The following DLGAP1 variants were observed in gnomAD, a reference collection of about 807,000 sequenced individuals.
DLGAP1 encodes the protein DLG associated protein 1, also known as disks large-associated protein 1.
In DLGAP1, 11 loss-of-function variants were observed where a neutral mutation model predicts 90.8. The observed-to-expected ratio is 0.12, with a 90% confidence interval of 0.08 to 0.20. The LOEUF (loss-of-function observed/expected upper bound fraction) is 0.20, where lower values mean the gene tolerates loss of function less well. DLGAP1 is among the 10% of genes least tolerant of loss of function. The pLI, the probability that DLGAP1 is intolerant of heterozygous loss-of-function variation, is 1.00. For missense variants in DLGAP1, 1,050 were observed against 1,333.8 expected (o/e 0.79, Z 3.31); for synonymous variants, 558 against 540.7 (o/e 1.03, Z -0.44).
chr18:3,520,147 C>T (rs1348910940), intron 10 of DLGAP1, among the ~76,000 whole-genome samples: 13 of 152,120 alleles, frequency 8.5e-5, no homozygotes, highest in Non-Finnish European at 1.9e-4. Context: ...TCTTCCCCCA[C>T]CAATTCCCTA....
chr18:3,512,807 T>A (rs1436722151), intron 10 of DLGAP1, among the ~76,000 whole-genome samples: 1 of 152,222 alleles, frequency 6.6e-6, no homozygotes, highest in Admixed American at 6.5e-5. Flanking sequence ...CGCAGAAAAT[T>A]GCGTCTGAAT....
intron 1 of DLGAP1, among the ~76,000 whole-genome samples, chr18:4,281,981 T>C (rs1249321387): frequency 1.3e-5 from 2 of 152,234 alleles, no homozygotes; most frequent in East Asian, 3.8e-4. Context: ...CAAGTACTTA[T>C]AACTTTAAGA....
intron 7 of DLGAP1, among the ~76,000 whole-genome samples, chr18:3,656,722 C>T (rs2059496290): frequency 6.6e-6 from 1 of 151,868 alleles, no homozygotes; most frequent in South Asian, 2.1e-4. Context: ...GATATTTATG[C>T]ACCTTTGCAG....
chr18:3,522,837 C>T (rs1258997349), intron 10 of DLGAP1, among the ~76,000 whole-genome samples: 1 of 152,010 alleles, frequency 6.6e-6, no homozygotes, highest in Non-Finnish European at 1.5e-5. Flanking sequence ...ACCACTGCAC[C>T]CAGCTGCAGT....
At chr18:3,938,118 A>T (rs1011258270) in intron 3 of DLGAP1, among the ~76,000 whole-genome samples, 4 of 152,272 alleles carry the variant, frequency 2.6e-5, no homozygotes, top group Admixed American at 2.0e-4. Context: ...GAAGTTTGGC[A>T]GCAACACAGG....
At chr18:3,868,736 C>T (rs1056095837) in intron 4 of DLGAP1, among the ~76,000 whole-genome samples, 1 of 152,168 alleles carries the variant, frequency 6.6e-6, no homozygotes, top group African/African-American at 2.4e-5. Context: ...ATTTAGACTG[C>T]CCAAAGTCAC....
At chr18:3,943,818 G>C (rs77210450) in intron 3 of DLGAP1, among the ~76,000 whole-genome samples, 2,530 of 152,172 alleles carry the variant, frequency 0.017, 58 homozygotes, top group African/African-American at 0.058. Flanking sequence ...AGGTCCTATG[G>C]GTGGGCCCTA....
At chr18:4,442,629 G>C (rs74974942) in intron 1 of DLGAP1, among the ~76,000 whole-genome samples, 1 of 152,162 alleles carries the variant, frequency 6.6e-6, no homozygotes, top group South Asian at 2.1e-4. Context: ...GGTAAAAGTA[G>C]CTTCACACCT....
chr18:3,600,788 A>T (rs2056894564), intron 7 of DLGAP1, among the ~76,000 whole-genome samples: 2 of 122,984 alleles, frequency 1.6e-5, no homozygotes, highest in African/African-American at 3.4e-5. Flanking sequence ...ATATAGATAT[A>T]TATAGATATA....
chr18:4,346,958 C>A (rs192794232), intron 1 of DLGAP1, among the ~76,000 whole-genome samples: 1 of 151,738 alleles, frequency 6.6e-6, no homozygotes, highest in Admixed American at 6.6e-5. Context: ...CCATTGGTAA[C>A]CTTGATCAGA....
In DLGAP1 at chr18:3,506,524, A is replaced by C. The variant is rs1293694529; in HGVS notation, c.2571+2046T>G. Among the ~76,000 whole-genome samples, 1,445 of 150,626 alleles carry C rather than the reference A, an allele frequency of 9.6e-3. 39 individuals carry two copies. The highest frequency in any genetic ancestry group is 0.034 in the African/African-American group (1,382 of 41,218). ...GTGAGACTCCGTCTCAAAAAAAAAA[A>C]AAAAAAAAAAAAAGTGGAACTCCAT... On this transcript the variant is annotated intron_variant, in intron 11 of 12. Coordinates refer to ENST00000315677, the MANE Select transcript of DLGAP1 (RefSeq NM_004746.4).
chr18:3,968,028 T>A (rs1202178324), intron 3 of DLGAP1, among the ~76,000 whole-genome samples: 1 of 152,190 alleles, frequency 6.6e-6, no homozygotes, highest in Admixed American at 6.5e-5. Flanking sequence ...TCTTACTGCT[T>A]ACTCTTCACA....
intron 4 of DLGAP1, chr18:3,822,011 C>T (rs1329133961): frequency 8.7e-6 from 8 of 918,598 alleles, no homozygotes; most frequent in Non-Finnish European, 1.0e-5. Context: ...TTGCTCTTCT[C>T]ATAGCAAAAA....
At chr18:4,020,472 C>T (rs1877644070) in intron 2 of DLGAP1, among the ~76,000 whole-genome samples, 1 of 152,190 alleles carries the variant, frequency 6.6e-6, no homozygotes, top group Non-Finnish European at 1.5e-5. Context: ...TAAATTAGGA[C>T]TTGATGTAGT....
At chr18:4,233,674 C>T (rs1242928032) in intron 1 of DLGAP1, among the ~76,000 whole-genome samples, 1 of 152,108 alleles carries the variant, frequency 6.6e-6, no homozygotes. Flanking sequence ...TTAAGCTTCA[C>T]CTCCTGGAGG....
chr18:3,856,164 T>C (rs954752071), intron 4 of DLGAP1, among the ~76,000 whole-genome samples: 3 of 152,078 alleles, frequency 2.0e-5, no homozygotes, highest in African/African-American at 7.2e-5. Context: ...AACAACTAGA[T>C]GATTATTGAA....
chr18:3,580,291 A>G, intron 8 of DLGAP1: 2 of 1,613,326 alleles, frequency 1.2e-6, no homozygotes, highest in Non-Finnish European at 1.7e-6. Flanking sequence ...GCAATGGCGC[A>G]ACTGTCTCTT....
At chr18:3,754,969 C>T (rs940835510) in intron 5 of DLGAP1, among the ~76,000 whole-genome samples, 1 of 152,070 alleles carries the variant, frequency 6.6e-6, no homozygotes, top group Middle Eastern at 3.4e-3. Flanking sequence ...CCATGCATGG[C>T]ACCATTTGCA....
At chr18:3,731,167 G>GGTGTATATATAGACATATATATAATAT in intron 6 of DLGAP1, among the ~76,000 whole-genome samples, 1 of 151,592 alleles carries the variant, frequency 6.6e-6, no homozygotes, top group African/African-American at 2.4e-5. Flanking sequence ...CAAATGTATG[G>GGTGTATATATAGACATATATATAATAT]GTGTATATAT....
Sources: allele counts gnomAD v4.1 joint callset (sites outside exome capture counted in the v4.1 genomes callset), GRCh38; gene constraint gnomAD v4.1.1; transcripts MANE v1.5; gene names NCBI Gene and HGNC (gene_info 2026-07-23, HGNC 2026-07-21).